The following CDC27 variants were observed in gnomAD, a reference collection of about 807,000 sequenced individuals.
The protein encoded by CDC27 is cell division cycle 27, also known as cell division cycle protein 27 homolog.
A neutral mutation model predicts 109.7 loss-of-function variants in CDC27; 27 were observed. The ratio of observed to expected loss-of-function variants is 0.25; its 90% CI spans 0.18 to 0.34. CDC27 has a LOEUF of 0.34. Ranked by LOEUF, CDC27 falls within the 10% of genes least tolerant of loss-of-function variation. CDC27 has a pLI of 1.00. For missense variants in CDC27, 579 were observed against 960.2 expected (o/e 0.60, Z 5.25); for synonymous variants, 266 against 333.9 (o/e 0.80, Z 2.22).
chr17:47,178,154 C>T (rs2064086414), intron 2 of CDC27, among the ~76,000 whole-genome samples: 1 of 152,072 alleles, frequency 6.6e-6, no homozygotes, highest in African/African-American at 2.4e-5. Context: ...ACTGTGATGT[C>T]AATTTAGTGG....
At chr17:47,143,727 A>G (rs1382755233) in intron 10 of CDC27, among the ~76,000 whole-genome samples, 156 bp downstream of exon 10, 1 of 152,178 alleles carries the variant, frequency 6.6e-6, no homozygotes, top group Non-Finnish European at 1.5e-5. Flanking sequence ...AGGACTAATT[A>G]ACTTCACAAA....
intron 5 of CDC27, among the ~76,000 whole-genome samples, chr17:47,157,940 A>G (rs2063368328): frequency 6.6e-6 from 1 of 152,232 alleles, no homozygotes; most frequent in African/African-American, 2.4e-5. Context: ...TTAAACACAC[A>G]ATATAACCCA....
In CDC27 at chr17:47,178,205, A is replaced by G. The variant is rs529752253; in HGVS notation, c.103+3357T>C. ...AAAACAACAACAACAAAACCACTCA[A>G]TGGAAAATATTAGAGTGTATCATAT... On this transcript the variant is annotated intron_variant, in intron 2 of 18. Transcript: ENST00000066544. 4.7e-4 allele frequency among the ~76,000 whole-genome samples: 71 copies of G among 152,248 alleles called. 1 individual carries two copies. Among genetic ancestry groups the G allele is most frequent in the African/African-American group, 1.7e-3 (70 of 41,540 alleles).
chr17:47,133,162 G>A (rs1374954026), intron 14 of CDC27, among the ~76,000 whole-genome samples: 2 of 133,012 alleles, frequency 1.5e-5, no homozygotes, highest in Non-Finnish European at 3.2e-5. Flanking sequence ...TTTTGAGACA[G>A]AGTTTTGCTC....
intron 4 of CDC27, among the ~76,000 whole-genome samples, chr17:47,160,712 A>G (rs1255957753): frequency 6.6e-6 from 1 of 152,248 alleles, no homozygotes; most frequent in Non-Finnish European, 1.5e-5. Flanking sequence ...GGACCAGAAG[A>G]AATCTAACCG....
At chr17:47,161,994 C>G (rs764095522) in intron 4 of CDC27, 6 of 152,182 alleles carry the variant, frequency 3.9e-5, no homozygotes, top group Non-Finnish European at 7.3e-5. Context: ...GCCTGATGGG[C>G]AATTTCATCT....
intron 15 of CDC27, 46 bp from the exon 16 acceptor site, chr17:47,129,567 G>A (rs777036449): frequency 7.1e-7 from 1 of 1,414,626 alleles, no homozygotes; most frequent in South Asian, 1.3e-5. Flanking sequence ...TGATATTTAT[G>A]AAGAAAGGTG....
intron 1 of CDC27, among the ~76,000 whole-genome samples, chr17:47,185,426 G>A (rs978875137): frequency 2.0e-5 from 3 of 152,048 alleles, no homozygotes; most frequent in African/African-American, 7.2e-5. Flanking sequence ...CTCGTGATCC[G>A]CCTGCCTCAG....
Position 47,117,958 on chromosome 17 carries a change from A to C in CDC27, c.*2977T>G, listed in dbSNP as rs1326194535. On this transcript the variant is annotated 3_prime_UTR_variant, in exon 19 of 19. Coordinates refer to ENST00000066544, the MANE Select transcript of CDC27 (RefSeq NM_001256.6). ...AAAGTAACTTATTTGGATTTTCCATATCCTTTAATGAATTGCAAATATATT... is the reference window on the plus strand; with the variant it reads ...AAAGTAACTTATTTGGATTTTCCATCTCCTTTAATGAATTGCAAATATATT... 6.6e-6 allele frequency: 1 copy of C among 152,208 alleles called. No homozygotes were observed. The highest frequency in any genetic ancestry group is 1.5e-5 in the Non-Finnish European group (1 of 68,032). 9.4% of individuals were successfully genotyped at this position (152,208 alleles called of 1,614,324 possible).
intron 4 of CDC27, among the ~76,000 whole-genome samples, chr17:47,160,339 T>G (rs370570999): frequency 6.6e-6 from 1 of 151,654 alleles, no homozygotes; most frequent in Admixed American, 6.6e-5. Flanking sequence ...GTGATTCTCA[T>G]GCCTCAGCCT....
Position 47,156,339 on chromosome 17 carries a change from C to G in CDC27, c.842+574G>C, listed in dbSNP as rs571619490. 5.2e-4 allele frequency among the ~76,000 whole-genome samples: 79 copies of G among 152,158 alleles called. 3 individuals carry two copies. The highest frequency in any genetic ancestry group is 5.2e-4 in the Admixed American group (8 of 15,270). On this transcript the variant is annotated intron_variant, in intron 7 of 18. Transcript: ENST00000066544. ...ATTTTTAGTAGAGACGGGGTTTCGC[C>G]ATGTTGGCCAGGATGGTCTCGATCT...
chr17:47,185,239 C>T (rs1277482128), intron 1 of CDC27, among the ~76,000 whole-genome samples: 6 of 151,998 alleles, frequency 3.9e-5, no homozygotes, highest in South Asian at 2.1e-4. Flanking sequence ...AGTGCAGTGG[C>T]GCGATCTCGG....
At chr17:47,147,918 A>T (rs1028796861) in intron 9 of CDC27, among the ~76,000 whole-genome samples, 2 of 148,650 alleles carry the variant, frequency 1.3e-5, no homozygotes, top group Non-Finnish European at 3.0e-5. Context: ...AAAAAAAAAA[A>T]GGCTGGGCGC....
At chr17:47,149,525 A>G (rs2063088520) in intron 9 of CDC27, among the ~76,000 whole-genome samples, 1 of 151,892 alleles carries the variant, frequency 6.6e-6, no homozygotes, top group African/African-American at 2.4e-5. Context: ...AAAAAAAAAA[A>G]AAAAAGAAAT....
In CDC27 at chr17:47,169,910, T is replaced by C. The variant is rs2063764401; in HGVS notation, c.377+7A>G. On this transcript the variant is annotated splice_region_variant and intron_variant, in intron 4 of 18. Coordinates refer to ENST00000066544, the MANE Select transcript of CDC27 (RefSeq NM_001256.6). Reference sequence around the variant, plus strand: ...CTTTTCTGACAGTTTGAATCATTCTTACTTACCAATATACATGTCCCAACA... The same window carrying C: ...CTTTTCTGACAGTTTGAATCATTCTCACTTACCAATATACATGTCCCAACA... The C allele has an allele frequency of 1.9e-6, 3 of 1,567,962 alleles. No homozygotes were observed. Among genetic ancestry groups the C allele is most frequent in the Non-Finnish European group, 2.6e-6 (3 of 1,163,864 alleles).
intron 2 of CDC27, among the ~76,000 whole-genome samples, chr17:47,173,414 A>C (rs1038260184): frequency 6.6e-6 from 1 of 151,620 alleles, no homozygotes; most frequent in East Asian, 1.9e-4. Context: ...CAGTAGGAAT[A>C]AACTATTAAT....
chr17:47,188,879 G>C, intron 1 of CDC27: 2 of 1,378,990 alleles, frequency 1.5e-6, no homozygotes, highest in African/African-American at 1.5e-5. Context: ...TGACAGGAAA[G>C]GCTGGCCGGA....
At chr17:47,147,151 A>G (rs2062983660) in intron 9 of CDC27, among the ~76,000 whole-genome samples, 1 of 152,192 alleles carries the variant, frequency 6.6e-6, no homozygotes, top group Non-Finnish European at 1.5e-5. Context: ...CTGTAATCCC[A>G]GCACTTTGGG....
At chr17:47,181,723 G>T in intron 1 of CDC27, 86 bp from the exon 2 acceptor site, 1 of 635,536 alleles carries the variant, frequency 1.6e-6, no homozygotes. Context: ...ATCAAATACT[G>T]AAATTAATAT....
Sources: allele counts gnomAD v4.1 joint callset (sites outside exome capture counted in the v4.1 genomes callset), GRCh38; gene constraint gnomAD v4.1.1; transcripts MANE v1.5; gene names NCBI Gene and HGNC (gene_info 2026-07-23, HGNC 2026-07-21).